MACROD2: variants seen among roughly 807,000 people sequenced by gnomAD.
MACROD2 encodes the protein mono-ADP ribosylhydrolase 2.
In MACROD2, 36 loss-of-function variants were observed where a neutral mutation model predicts 70.4. The observed-to-expected ratio is 0.51, with a 90% CI of 0.39 to 0.68. MACROD2 has a LOEUF of 0.68. Ranked by LOEUF, MACROD2 falls within the 30% of genes least tolerant of loss-of-function variation. The probability of loss-of-function intolerance (pLI) is 0.00; values close to 1 mark genes in which losing one functional copy is unlikely to be tolerated. For synonymous variants in MACROD2, 172 were observed against 178.8 expected (o/e 0.96, Z 0.30); for missense variants, 496 against 538.4 (o/e 0.92, Z 0.78).
At chr20:14,917,072 C>A (rs144933185) in intron 5 of MACROD2, among the ~76,000 whole-genome samples, 1 of 151,572 alleles carries the variant, frequency 6.6e-6, no homozygotes, top group Non-Finnish European at 1.5e-5. Flanking sequence ...TTTTCTTCCT[C>A]GGGGTGGAGT....
chr20:15,432,780 C>G (rs1417500076), intron 7 of MACROD2, among the ~76,000 whole-genome samples: 1 of 151,878 alleles, frequency 6.6e-6, no homozygotes, highest in African/African-American at 2.4e-5. Context: ...ATGTTTATTA[C>G]CTTGTCAGAG....
At chr20:14,757,615 G>A in intron 5 of MACROD2, 1 of 1,168,144 alleles carries the variant, frequency 8.6e-7, no homozygotes, top group Non-Finnish European at 1.3e-6. Flanking sequence ...TTTTTAAGGA[G>A]GGAGTCATGG....
intron 3 of MACROD2, among the ~76,000 whole-genome samples, chr20:14,231,639 C>A (rs1184123277): frequency 6.6e-6 from 1 of 152,072 alleles, no homozygotes; most frequent in Non-Finnish European, 1.5e-5. Context: ...ATTTATAATC[C>A]TTTGGGTATA....
intron 8 of MACROD2, among the ~76,000 whole-genome samples, chr20:15,777,512 TCC>T (rs2051745150): frequency 2.8e-4 from 1 of 3,558 alleles, no homozygotes; most frequent in Non-Finnish European, 8.6e-4. Context: ...CTTCCTTCTT[TCC>T]TTCCTTCCTT....
chr20:15,863,233 T>C (rs775932461), intron 9 of MACROD2, among the ~76,000 whole-genome samples: 20 of 152,156 alleles, frequency 1.3e-4, no homozygotes, highest in Non-Finnish European at 2.5e-4. Context: ...CCATTTATAT[T>C]CATAGTCAGA....
At chr20:15,935,916 G>A (rs184643104) in intron 11 of MACROD2, among the ~76,000 whole-genome samples, 143 of 152,200 alleles carry the variant, frequency 9.4e-4, no homozygotes, top group African/African-American at 3.3e-3. Context: ...GGTTTGGGAC[G>A]GACTCTCTGA....
At chr20:15,161,372 TATA>T (rs1239834008) in intron 5 of MACROD2, among the ~76,000 whole-genome samples, 15 of 149,546 alleles carry the variant, frequency 1.0e-4, no homozygotes, top group African/African-American at 2.4e-4. Flanking sequence ...TGTAATAACA[TATA>T]ATAATGTAAT....
intron 3 of MACROD2, among the ~76,000 whole-genome samples, chr20:14,451,326 G>A (rs1046166118): frequency 1.4e-4 from 21 of 152,114 alleles, no homozygotes; most frequent in South Asian, 6.2e-4. Flanking sequence ...GCACATGCCT[G>A]TAATCCCAGC....
chr20:15,599,177 G>A (rs547689804), intron 8 of MACROD2, among the ~76,000 whole-genome samples: 3 of 151,622 alleles, frequency 2.0e-5, no homozygotes, highest in Admixed American at 6.6e-5. Context: ...TCAGGAGATC[G>A]AGACCATCCC....
At chr20:14,632,255 AAGAT>A (rs1984554646) in intron 4 of MACROD2, among the ~76,000 whole-genome samples, 1 of 152,174 alleles carries the variant, frequency 6.6e-6, no homozygotes, top group African/African-American at 2.4e-5. Context: ...ATTTTCTCTT[AAGAT>A]ATTTAGAATT....
chr20:15,073,146 C>G (rs2075631653), intron 5 of MACROD2, among the ~76,000 whole-genome samples: 1 of 152,084 alleles, frequency 6.6e-6, no homozygotes, highest in Non-Finnish European at 1.5e-5. Flanking sequence ...ATTCCCCAGT[C>G]TCTGCTATTG....
intron 2 of MACROD2, among the ~76,000 whole-genome samples, chr20:14,016,665 A>G (rs1366091584): frequency 6.6e-6 from 1 of 152,082 alleles, no homozygotes; most frequent in Non-Finnish European, 1.5e-5. Flanking sequence ...AGACATTTGA[A>G]TGGTCTTGGC....
intron 5 of MACROD2, among the ~76,000 whole-genome samples, chr20:14,874,531 G>A (rs1308538353): frequency 1.3e-5 from 2 of 151,454 alleles, no homozygotes; most frequent in Admixed American, 6.6e-5. Flanking sequence ...GAATAAGCAA[G>A]CATTGAGCAA....
intron 6 of MACROD2, among the ~76,000 whole-genome samples, chr20:15,411,625 G>T (rs1246783882): frequency 1.3e-5 from 2 of 152,190 alleles, no homozygotes; most frequent in Non-Finnish European, 2.9e-5. Flanking sequence ...ATTGGTATTG[G>T]AATTGTCCCC....
intron 5 of MACROD2, among the ~76,000 whole-genome samples, chr20:15,113,428 A>G (rs1486802504): frequency 3.3e-5 from 5 of 152,190 alleles, no homozygotes; most frequent in East Asian, 1.9e-4. Context: ...GTCATATTGA[A>G]TAAAGGGGCA....
chr20:14,102,247 C>G (rs575979254), intron 3 of MACROD2, among the ~76,000 whole-genome samples: 3 of 151,854 alleles, frequency 2.0e-5, no homozygotes, highest in African/African-American at 7.3e-5. Flanking sequence ...TGTGATCTGC[C>G]CGCCTCAGCC....
intron 8 of MACROD2, among the ~76,000 whole-genome samples, chr20:15,606,714 G>A (rs765785768): frequency 3.9e-5 from 6 of 152,034 alleles, no homozygotes; most frequent in Non-Finnish European, 8.8e-5. Context: ...TCAAAAATTG[G>A]GGAACTGGCT....
At chr20:14,842,955 G>A (rs1347720553) in intron 5 of MACROD2, among the ~76,000 whole-genome samples, 1 of 151,834 alleles carries the variant, frequency 6.6e-6, no homozygotes, top group Non-Finnish European at 1.5e-5. Context: ...TTTCTATAAG[G>A]TTCAAATCCC....
chr20:14,251,972 A>G (rs919595449), intron 3 of MACROD2, among the ~76,000 whole-genome samples: 1 of 152,076 alleles, frequency 6.6e-6, no homozygotes, highest in Non-Finnish European at 1.5e-5. Flanking sequence ...TCACTTTAAA[A>G]AAATCCTTAA....
Sources: gnomAD v4.1 joint callset for allele counts (sites outside exome capture counted in the v4.1 genomes callset) on GRCh38, gnomAD v4.1.1 for gene constraint, MANE v1.5 for transcripts, NCBI Gene and HGNC (gene_info 2026-07-23, HGNC 2026-07-21) for gene names.